Variants in OR6B2 observed in about 807,000 individuals in gnomAD.
OR6B2 encodes olfactory receptor family 6 subfamily B member 2.
For missense variants in OR6B2, 275 were observed against 386.8 expected (o/e 0.71, Z 2.42); for synonymous variants, 155 against 171.5 (o/e 0.90, Z 0.75).
chr2:240,029,627 T>A lies in OR6B2; in HGVS notation c.803A>T (p.Gln268Leu), dbSNP rs61730693. ...MYVRPQAIDSQSSNKLISAVY... is the reference protein window; with the variant it reads ...MYVRPQAIDSLSSNKLISAVY... ...GGCAGAGATGAGCTTGTTGGAGCTC[T>A]GGGAATCAATGGCTTGGGGCCGGAC... The change falls in exon 1 of 1, where the codon CAG (glutamine) becomes CTG (leucine). Residue 268 changes from glutamine to leucine, a missense_variant. Transcript: ENST00000319423. The surrounding 1 kb of genome is among the most constrained non-coding windows in gnomAD (Gnocchi z 5.2). 3.4e-3 allele frequency: 5,160 copies of A among 1,501,360 alleles called. 169 individuals carry two copies. The African/African-American group carries it at 0.061, about 18-fold the overall frequency. The allele number at this position is 1,501,360 out of a possible 1,614,324, so 93.0% of individuals were successfully genotyped here.
At position 240,030,187 on chromosome 2, in the gene OR6B2, C is replaced by T. The variant is rs1400696196; in HGVS notation, c.243G>A (p.Met81Ile). 6.2e-7 allele frequency: 1 copy of T among 1,612,668 alleles called. No individual in the cohort carries two copies. The highest frequency in any genetic ancestry group is 1.1e-5 in the South Asian group (1 of 91,038). ...TCTGCTGGAGGAGGAAGCCCTCCAGCATCTTGGGGGTGATGTCAGACACGT... is the reference window on the plus strand; with the variant it reads ...TCTGCTGGAGGAGGAAGCCCTCCAGTATCTTGGGGGTGATGTCAGACACGT... The part of the protein sequence containing the change: ...IWYVSDITPK[M>I]LEGFLLQQKR... Residue 81 changes from methionine to isoleucine, a missense_variant, in exon 1 of 1, where the codon ATG becomes ATA. Coordinates refer to ENST00000319423, the MANE Select transcript of OR6B2 (RefSeq NM_001005853.1).
chr2:240,029,872 C>A lies in OR6B2; in HGVS notation c.558G>T (p.Lys186Asn). Residue 186 changes from lysine to asparagine, a missense_variant, in exon 1 of 1, where the codon AAG (lysine) becomes AAT (asparagine). Lys to Asn is a moderately conservative substitution (Grantham distance 94). Coordinates refer to ENST00000319423, the MANE Select transcript of OR6B2 (RefSeq NM_001005853.1). The surrounding 1 kb of genome is among the most constrained non-coding windows in gnomAD (Gnocchi z 5.2). Reference protein sequence around the residue: ...HFFCDISPILKLACTDFSTAE... With the variant: ...HFFCDISPILNLACTDFSTAE... The stretch of plus-strand genomic sequence containing the variant: ...CAGTGGAGAAGTCCGTGCAGGCCAG[C>A]TTGAGGATGGGGGAAATGTCACAGA... The A allele has an allele frequency of 6.3e-7, 1 of 1,579,228 alleles. No individual in the cohort carries two copies. The highest frequency in any genetic ancestry group is 8.7e-7 in the Non-Finnish European group (1 of 1,148,448).
chr2:240,029,676 A>G lies in OR6B2; in HGVS notation c.754T>C (p.Tyr252His). ...ASHLTVVTVF[Y>H]TALLFMYVRP... ...ACATACATGAAAAGCAAGGCTGTAT[A>G]GAAGACGGTGACCACGGTGAGGTGA... Residue 252 changes from tyrosine (Y) to histidine (H), a missense_variant, in exon 1 of 1, where the codon TAT becomes CAT. Transcript: ENST00000319423. The surrounding 1 kb of genome is among the most constrained non-coding windows in gnomAD (Gnocchi z 5.2). 6.2e-7 allele frequency: 1 copy of G among 1,613,682 alleles called. No homozygotes were observed. The highest frequency in any genetic ancestry group is 8.5e-7 in the Non-Finnish European group (1 of 1,179,540).
Position 240,029,967 on chromosome 2 carries a change from T to C in OR6B2, c.463A>G (p.Ile155Val). 1 of 1,384,648 alleles carries C rather than the reference T, an allele frequency of 7.2e-7. No homozygotes were observed. Among genetic ancestry groups the C allele is most frequent in the Middle Eastern group, 1.8e-4 (1 of 5,610 alleles). The allele number at this position is 1,384,648 out of a possible 1,614,324, so 85.8% of individuals were successfully genotyped here. Reference protein sequence around the residue: ...VGFSFVSGFTISMIKVCFISS... With the variant: ...VGFSFVSGFTVSMIKVCFISS... ...ATAAAACAGACCTTGATCATGGAGA[T>C]GGTGAAGCCACTCACAAAGGAGAAG... Residue 155 changes from isoleucine (I) to valine (V), a missense_variant, in exon 1 of 1, where the codon ATC (isoleucine) becomes GTC (valine). By Grantham distance (29) the Ile-to-Val change is conservative. Transcript: ENST00000319423. The surrounding 1 kb of genome is among the most constrained non-coding windows in gnomAD (Gnocchi z 5.2).
rs1461007109 is a variant in OR6B2, at chr2:240,029,710, G to A, written c.720C>T (p.Thr240=). The change falls in exon 1 of 1, where the codon ACC becomes ACT. Residue 240 remains threonine, a synonymous_variant. Transcript: ENST00000319423. The surrounding 1 kb of genome is among the most constrained non-coding windows in gnomAD (Gnocchi z 5.2). ...TGACCACGGTGAGGTGAGAGGCGCA[G>A]GTAGAGAAGGCTCTCCAGCAGCCGG... is the stretch of plus-strand genomic sequence containing the variant. ...SATGCWRAFS[T]CASHLTVVTV... is the part of the protein sequence containing the mutation. 6.2e-7 allele frequency: 1 copy of A among 1,613,710 alleles called. No individual in the cohort carries two copies. The highest frequency in any genetic ancestry group is 8.5e-7 in the Non-Finnish European group (1 of 1,179,704).
In OR6B2 at chr2:240,029,600, A is replaced by T; in HGVS notation, c.830T>A (p.Val277Glu). The T allele has an allele frequency of 8.1e-7, 1 of 1,239,570 alleles. No individual in the cohort carries two copies. The highest frequency in any genetic ancestry group is 1.2e-6 in the Non-Finnish European group (1 of 837,652). 76.8% of individuals were successfully genotyped at this position (1,239,570 alleles called of 1,614,324 possible). A position where few individuals can be genotyped will look rare whatever the true frequency, so the allele number is the denominator to read the frequency against. ...SQSSNKLISA[V>E]YTVVTPIINP... ...AATTATTGGCGTGACAACAGTGTAC[A>T]CGGCAGAGATGAGCTTGTTGGAGCT... Residue 277 changes from valine (V) to glutamate (E), a missense_variant, in exon 1 of 1, where the codon GTG becomes GAG. Physicochemically the swap from Val to Glu is moderately radical, Grantham distance 121. Coordinates refer to ENST00000319423, the MANE Select transcript of OR6B2 (RefSeq NM_001005853.1). This position sits in a 1 kb window ranked among gnomAD's most constrained non-coding sequence, Gnocchi z 5.2.
Position 240,029,915 on chromosome 2 carries a change from T to C in OR6B2, c.515A>G (p.Asn172Ser), listed in dbSNP as rs1462594089. ...FISSVTFCGS[N>S]VLNHFFCDIS... ...GTCACAGAAGAAGTGGTTCAAGACGTTGGAGCCACAGAACGTGACGCTGGA... is the reference window on the plus strand; with the variant it reads ...GTCACAGAAGAAGTGGTTCAAGACGCTGGAGCCACAGAACGTGACGCTGGA... Residue 172 changes from asparagine (N) to serine (S), a missense_variant, in exon 1 of 1, where the codon AAC (asparagine) becomes AGC (serine). Physicochemically the swap from Asn to Ser is conservative, Grantham distance 46. Transcript: ENST00000319423. This position sits in a 1 kb window ranked among gnomAD's most constrained non-coding sequence, Gnocchi z 5.2. 3.4e-6 allele frequency: 5 copies of C among 1,454,364 alleles called. No individual in the cohort carries two copies. Among genetic ancestry groups the C allele is most frequent in the Non-Finnish European group, 4.8e-6 (5 of 1,035,570 alleles). 90.1% of individuals were successfully genotyped at this position (1,454,364 alleles called of 1,614,324 possible).
In OR6B2 at chr2:240,029,713, A is replaced by T; in HGVS notation, c.717T>A (p.Ser239=). The change falls in exon 1 of 1, where the codon TCT becomes TCA. Residue 239 remains serine (S), a synonymous_variant. Transcript: ENST00000319423. The surrounding 1 kb of genome is among the most constrained non-coding windows in gnomAD (Gnocchi z 5.2). ...CCACGGTGAGGTGAGAGGCGCAGGTAGAGAAGGCTCTCCAGCAGCCGGTGG... is the reference window on the plus strand; with the variant it reads ...CCACGGTGAGGTGAGAGGCGCAGGTTGAGAAGGCTCTCCAGCAGCCGGTGG... ...PSATGCWRAF[S]TCASHLTVVT... 1 of 1,613,838 alleles carries T rather than the reference A, an allele frequency of 6.2e-7. No homozygotes were observed. Among genetic ancestry groups the T allele is most frequent in the East Asian group, 2.2e-5 (1 of 44,864 alleles).
chr2:240,030,185 A>T lies in OR6B2; in HGVS notation c.245T>A (p.Leu82Gln), dbSNP rs544588156. The T allele has an allele frequency of 6.2e-7, 1 of 1,612,808 alleles. No homozygotes were observed. Among genetic ancestry groups the T allele is most frequent in the East Asian group, 2.2e-5 (1 of 44,878 alleles). ...WYVSDITPKM[L>Q]EGFLLQQKRI... ...TTTCTGCTGGAGGAGGAAGCCCTCC[A>T]GCATCTTGGGGGTGATGTCAGACAC... The change falls in exon 1 of 1, where the codon CTG (leucine) becomes CAG (glutamine). Residue 82 changes from leucine (L) to glutamine (Q), a missense_variant. By Grantham distance (113) the Leu-to-Gln change is moderately radical (BLOSUM62 -2). Transcript: ENST00000319423.
chr2:240,029,600 A>C lies in OR6B2; in HGVS notation c.830T>G (p.Val277Gly), dbSNP rs1357485634. The C allele has an allele frequency of 7.3e-6, 9 of 1,239,452 alleles. No individual in the cohort carries two copies. Among genetic ancestry groups the C allele is most frequent in the Non-Finnish European group, 8.4e-6 (7 of 837,660 alleles). The allele number at this position is 1,239,452 out of a possible 1,614,324, so 76.8% of individuals were successfully genotyped here. A position where few individuals can be genotyped will look rare whatever the true frequency, so the allele number is the denominator to read the frequency against. ...AATTATTGGCGTGACAACAGTGTAC[A>C]CGGCAGAGATGAGCTTGTTGGAGCT... Reference protein sequence around the residue: ...SQSSNKLISAVYTVVTPIINP... With the variant: ...SQSSNKLISAGYTVVTPIINP... Residue 277 changes from valine to glycine, a missense_variant, in exon 1 of 1, where the codon GTG becomes GGG. Transcript: ENST00000319423. This position sits in a 1 kb window ranked among gnomAD's most constrained non-coding sequence, Gnocchi z 5.2.
rs774044121 is a variant in OR6B2, at chr2:240,029,727, A to G, written c.703T>C (p.Trp235Arg). Residue 235 changes from tryptophan (W) to arginine (R), a missense_variant, in exon 1 of 1, where the codon TGG (tryptophan) becomes CGG (arginine). By Grantham distance (101) the Trp-to-Arg change is moderately radical. Coordinates refer to ENST00000319423, the MANE Select transcript of OR6B2 (RefSeq NM_001005853.1). The surrounding 1 kb of genome is among the most constrained non-coding windows in gnomAD (Gnocchi z 5.2). ...GAGGCGCAGGTAGAGAAGGCTCTCC[A>G]GCAGCCGGTGGCCGAGGGGATGCGC... ...VLRIPSATGC[W>R]RAFSTCASHL... 8 of 1,613,574 alleles carry G rather than the reference A, an allele frequency of 5.0e-6. No individual in the cohort carries two copies. The highest frequency in any genetic ancestry group is 6.8e-6 in the Non-Finnish European group (8 of 1,179,570).
Position 240,030,172 on chromosome 2 carries a change from G to T in OR6B2, c.258C>A (p.Leu86=). The change falls in exon 1 of 1, where the codon CTC becomes CTA. Residue 86 remains leucine (L), a synonymous_variant. Transcript: ENST00000319423. ...DITPKMLEGF[L]LQQKRISFVG... ...CGAAAGAGATGCGTTTCTGCTGGAG[G>T]AGGAAGCCCTCCAGCATCTTGGGGG... 6.2e-7 allele frequency: 1 copy of T among 1,610,562 alleles called. No individual in the cohort carries two copies. The highest frequency in any genetic ancestry group is 2.2e-5 in the East Asian group (1 of 44,858).
Position 240,030,231 on chromosome 2 carries a change from A to T in OR6B2, c.199T>A (p.Ser67Thr), listed in dbSNP as rs1697971171. 2 of 1,613,492 alleles carry T rather than the reference A, an allele frequency of 1.2e-6. No individual in the cohort carries two copies. The highest frequency in any genetic ancestry group is 2.7e-5 in the African/African-American group (2 of 74,896). ...RPMYYFLSSMSFLEIWYVSDI... is the reference protein window; with the variant it reads ...RPMYYFLSSMTFLEIWYVSDI... Reference sequence around the variant, plus strand: ...GACACGTACCAGATCTCCAGGAAAGACATGGAGCTCAGAAAGTAGTACATG... The same window carrying T: ...GACACGTACCAGATCTCCAGGAAAGTCATGGAGCTCAGAAAGTAGTACATG... The change falls in exon 1 of 1, where the codon TCT (serine) becomes ACT (threonine). Residue 67 changes from serine to threonine, a missense_variant. Coordinates refer to ENST00000319423, the MANE Select transcript of OR6B2 (RefSeq NM_001005853.1).
chr2:240,030,209 A>C lies in OR6B2; in HGVS notation c.221T>G (p.Val74Gly), dbSNP rs553478925. The C allele has an allele frequency of 1.1e-4, 180 of 1,613,598 alleles. 1 individual carries two copies. The Admixed American group carries it at 2.8e-3, about 26-fold the overall frequency. ...CAGCATCTTGGGGGTGATGTCAGAC[A>C]CGTACCAGATCTCCAGGAAAGACAT... is the stretch of plus-strand genomic sequence containing the variant. ...SSMSFLEIWY[V>G]SDITPKMLEG... Residue 74 changes from valine (V) to glycine (G), a missense_variant, in exon 1 of 1, where the codon GTG (valine) becomes GGG (glycine). Transcript: ENST00000319423.
chr2:240,029,602 G>A lies in OR6B2; in HGVS notation c.828C>T (p.Ala276=), dbSNP rs758690251. ...TTATTGGCGTGACAACAGTGTACAC[G>A]GCAGAGATGAGCTTGTTGGAGCTCT... The part of the protein sequence containing the change: ...DSQSSNKLIS[A]VYTVVTPIIN... Residue 276 remains alanine (A), a synonymous_variant, in exon 1 of 1, where the codon GCC becomes GCT. Coordinates refer to ENST00000319423, the MANE Select transcript of OR6B2 (RefSeq NM_001005853.1). This position sits in a 1 kb window ranked among gnomAD's most constrained non-coding sequence, Gnocchi z 5.2. The A allele has an allele frequency of 6.3e-5, 78 of 1,245,714 alleles. No homozygotes were observed. Among genetic ancestry groups the A allele is most frequent in the Non-Finnish European group, 7.8e-5 (66 of 843,282 alleles). The allele number at this position is 1,245,714 out of a possible 1,614,324, so 77.2% of individuals were successfully genotyped here. A position where few individuals can be genotyped will look rare whatever the true frequency, so the allele number is the denominator to read the frequency against.
In OR6B2 at chr2:240,030,355, G is replaced by C. The variant is rs1249842625; in HGVS notation, c.75C>G (p.Tyr25Ter). 1 of 1,610,482 alleles carries C rather than the reference G, an allele frequency of 6.2e-7. No individual in the cohort carries two copies. The highest frequency in any genetic ancestry group is 8.5e-7 in the Non-Finnish European group (1 of 1,176,622). ...VGLPTAPGLQYLLFLLFLLTY... is the reference protein window; with the variant it reads ...VGLPTAPGLQ ...TGAGCAGGAAGAGGAGGAAGAGCAG[G>C]TACTGCAGCCCTGGGGCCGTGGGGA... is the stretch of plus-strand genomic sequence containing the variant. Residue 25 changes from tyrosine to a stop codon, truncating the protein, a stop_gained, in exon 1 of 1, where the codon TAC becomes TAG. Transcript: ENST00000319423. LOFTEE classifies it low-confidence loss of function (END_TRUNC).
rs201885665 is a variant in OR6B2 at position 240,029,532 on chromosome 2, C to T, written c.898G>A (p.Ala300Thr). The T allele has an allele frequency of 8.9e-5, 76 of 857,038 alleles. No homozygotes were observed. Among genetic ancestry groups the T allele is most frequent in the Admixed American group, 2.4e-4 (14 of 58,128 alleles). The allele number at this position is 857,038 out of a possible 1,614,324, so 53.1% of individuals were successfully genotyped here. ...YCLRNKEFKDALKKALGLGQT... is the reference protein window; with the variant it reads ...YCLRNKEFKDTLKKALGLGQT... ...CCCAAGCCCAAGGCCTTTTTCAAGG[C>T]GTCCTTAAATTCCTTGTTCCTCAGG... Residue 300 changes from alanine (A) to threonine (T), a missense_variant, in exon 1 of 1, where the codon GCC becomes ACC. Coordinates refer to ENST00000319423, the MANE Select transcript of OR6B2 (RefSeq NM_001005853.1). The surrounding 1 kb of genome is among the most constrained non-coding windows in gnomAD (Gnocchi z 5.2).
At position 240,029,527 on chromosome 2, in the gene OR6B2, C is replaced by A. The variant is rs894114428; in HGVS notation, c.903G>T (p.Leu301Phe). 5 of 846,810 alleles carry A rather than the reference C, an allele frequency of 5.9e-6. No homozygotes were observed. Among genetic ancestry groups the A allele is most frequent in the Admixed American group, 3.5e-5 (2 of 57,724 alleles). 52.5% of individuals were successfully genotyped at this position (846,810 alleles called of 1,614,324 possible). A position where few individuals can be genotyped will look rare whatever the true frequency, so the allele number is the denominator to read the frequency against. ...CLRNKEFKDA[L>F]KKALGLGQTS... Reference sequence around the variant, plus strand: ...TTTGACCCAAGCCCAAGGCCTTTTTCAAGGCGTCCTTAAATTCCTTGTTCC... The same window carrying A: ...TTTGACCCAAGCCCAAGGCCTTTTTAAAGGCGTCCTTAAATTCCTTGTTCC... Residue 301 changes from leucine to phenylalanine, a missense_variant, in exon 1 of 1, where the codon TTG becomes TTT. Transcript: ENST00000319423. The surrounding 1 kb of genome is among the most constrained non-coding windows in gnomAD (Gnocchi z 5.2).
chr2:240,029,683 G>A lies in OR6B2; in HGVS notation c.747C>T (p.Thr249=), dbSNP rs199952966. ...TGAAAAGCAAGGCTGTATAGAAGAC[G>A]GTGACCACGGTGAGGTGAGAGGCGC... ...STCASHLTVV[T]VFYTALLFMY... is the part of the protein sequence containing the mutation. Residue 249 remains threonine (T), a synonymous_variant, in exon 1 of 1, where the codon ACC becomes ACT. Coordinates refer to ENST00000319423, the MANE Select transcript of OR6B2 (RefSeq NM_001005853.1). This position sits in a 1 kb window ranked among gnomAD's most constrained non-coding sequence, Gnocchi z 5.2. 19 of 1,613,742 alleles carry A rather than the reference G, an allele frequency of 1.2e-5. No individual in the cohort carries two copies. In the East Asian group the frequency reaches 1.6e-4, roughly 13 times the overall value.
Sources: allele counts gnomAD v4.1 joint callset, GRCh38; gene constraint gnomAD v4.1.1; non-coding constraint Gnocchi (gnomAD v3.1); transcripts MANE v1.5; gene names NCBI Gene and HGNC (gene_info 2026-07-23, HGNC 2026-07-21).